Variants in RANBP3L observed in about 807,000 individuals in gnomAD.
RANBP3L encodes the protein RAN binding protein 3 like, also known as ran-binding protein 3-like.
In RANBP3L, 56 loss-of-function variants were observed where a neutral mutation model predicts 67.2. That is an observed-to-expected ratio of 0.83 (90% confidence interval 0.67 to 1.04). RANBP3L has a LOEUF of 1.04. Ranked by LOEUF, RANBP3L falls within the 50% of genes least tolerant of loss-of-function variation. RANBP3L has a pLI of 0.00. For synonymous variants in RANBP3L, 164 were observed against 181.4 expected (o/e 0.90, Z 0.77); for missense variants, 496 against 535.5 (o/e 0.93, Z 0.73).
chr5:36,287,403 A>T (rs1751401654), intron 1 of RANBP3L, among the ~76,000 whole-genome samples: 2 of 152,328 alleles, frequency 1.3e-5, no homozygotes, highest in South Asian at 4.1e-4. Flanking sequence ...AGAGTCGAGA[A>T]CAGTGCCTGA....
intron 1 of RANBP3L, among the ~76,000 whole-genome samples, chr5:36,287,873 G>C (rs1751438725): frequency 6.6e-6 from 1 of 152,154 alleles, no homozygotes; most frequent in Non-Finnish European, 1.5e-5. Context: ...TATTTCCTGA[G>C]CTGTGGGTAC....
At chr5:36,301,226 T>A in intron 1 of RANBP3L, 100 bp downstream of exon 1, 1 of 842,636 alleles carries the variant, frequency 1.2e-6, no homozygotes, top group Non-Finnish European at 2.0e-6. Flanking sequence ...CACTATTATG[T>A]CAGAGCTTCC....
In RANBP3L at chr5:36,249,665, C is replaced by A. The variant is rs1247556969; in HGVS notation, c.1387G>T (p.Ala463Ser). ...ATAGTAGGTAGTATTCATGAACAGGCAACCGACTGTCTGTGAGTCCAACTA... is the reference window on the plus strand; with the variant it reads ...ATAGTAGGTAGTATTCATGAACAGGAAACCGACTGTCTGTGAGTCCAACTA... ...PSSWTHRQSV[A>S]CS The change falls in exon 14 of 14, where the codon GCC becomes TCC. Residue 463 changes from alanine to serine, a missense_variant. By Grantham distance (99) the Ala-to-Ser change is moderately conservative (BLOSUM62 1). Transcript: ENST00000296604. 5.8e-6 allele frequency: 9 copies of A among 1,558,598 alleles called. No individual in the cohort carries two copies. Among genetic ancestry groups the A allele is most frequent in the African/African-American group, 1.4e-5 (1 of 73,666 alleles).
intron 12 of RANBP3L, among the ~76,000 whole-genome samples, chr5:36,252,884 G>T (rs1475354155): frequency 6.6e-6 from 1 of 151,830 alleles, no homozygotes; most frequent in Non-Finnish European, 1.5e-5. Context: ...TTCATCACAG[G>T]CACCTGCCAG....
chr5:36,272,404 C>T (rs1561120116), intron 1 of RANBP3L, among the ~76,000 whole-genome samples: 1 of 152,126 alleles, frequency 6.6e-6, no homozygotes, highest in South Asian at 2.1e-4. Context: ...AGGTAATTTG[C>T]CATCCCTGAG....
intron 1 of RANBP3L, among the ~76,000 whole-genome samples, chr5:36,276,167 A>C (rs904772440): frequency 2.0e-5 from 3 of 152,200 alleles, no homozygotes; most frequent in Non-Finnish European, 4.4e-5. Context: ...TTCAGAAAGC[A>C]ATCAAAACTT....
chr5:36,256,679 T>C (rs1256637506), intron 10 of RANBP3L: 6 of 409,740 alleles, frequency 1.5e-5, no homozygotes, highest in Non-Finnish European at 2.1e-5. Flanking sequence ...TAAAGCAGGA[T>C]ACTTGGCTGT....
rs3086448 is a variant in RANBP3L, at chr5:36,283,539, TACACAC to T, written c.92-12234_92-12229del. ...CTTGCCTATGCTCTGTATATAAAAATACACACACACACACACACACACACACACACA... is the reference window on the plus strand; with the variant it reads ...CTTGCCTATGCTCTGTATATAAAAATACACACACACACACACACACACACA... On this transcript the variant is annotated intron_variant, in intron 1 of 13. Coordinates refer to ENST00000296604, the MANE Select transcript of RANBP3L (RefSeq NM_145000.5). Among the ~76,000 whole-genome samples the T allele has an allele frequency of 3.1e-3, 453 of 144,792 alleles. 3 individuals are homozygous for T. Among genetic ancestry groups the T allele is most frequent in the African/African-American group, 7.3e-3 (285 of 39,270 alleles). 95.0% of individuals were successfully genotyped at this position (144,792 alleles called of 152,430 possible).
At chr5:36,277,440 ATGTGTGTGTGTGTGTGTGTGTG>A (rs149996886) in intron 1 of RANBP3L, among the ~76,000 whole-genome samples, 19 of 115,028 alleles carry the variant, frequency 1.7e-4, no homozygotes, top group African/African-American at 5.5e-4. Flanking sequence ...ATATATATAT[ATGTGTGTGTGTGTGTGTGTGTG>A]TGTGTGTGTG....
intron 1 of RANBP3L, among the ~76,000 whole-genome samples, chr5:36,285,898 T>TA (rs1751290115): frequency 6.6e-6 from 1 of 152,186 alleles, no homozygotes; most frequent in Non-Finnish European, 1.5e-5. Flanking sequence ...TTGCTAGTCT[T>TA]ACACAACCTG....
At position 36,274,141 on chromosome 5, in the gene RANBP3L, G is replaced by A. The variant is rs569484435; in HGVS notation, c.92-2830C>T. ...TTATGGTTTGGGGGCTGCCTGATTCGTAAATTGTTCTTTGCTCGATTAAAC... is the reference window on the plus strand; with the variant it reads ...TTATGGTTTGGGGGCTGCCTGATTCATAAATTGTTCTTTGCTCGATTAAAC... On this transcript the variant is annotated intron_variant, in intron 1 of 13. Transcript: ENST00000296604. Among the ~76,000 whole-genome samples the A allele has an allele frequency of 5.3e-5, 8 of 152,244 alleles. No homozygotes were observed. The South Asian group carries it at 1.2e-3, about 24-fold the overall frequency.
chr5:36,301,268 G>T, intron 1 of RANBP3L, 58 bp downstream of exon 1: 1 of 1,295,608 alleles, frequency 7.7e-7, no homozygotes, highest in Non-Finnish European at 1.1e-6. Flanking sequence ...CATTCTTCCT[G>T]GAATGCAAAT....
intron 4 of RANBP3L, chr5:36,268,252 T>A: frequency 6.5e-7 from 1 of 1,535,336 alleles, no homozygotes; most frequent in South Asian, 1.2e-5. Flanking sequence ...CATTTGCTTC[T>A]GAGACAAGGT....
intron 1 of RANBP3L, among the ~76,000 whole-genome samples, chr5:36,279,916 A>G (rs1750854622): frequency 6.6e-6 from 1 of 152,190 alleles, no homozygotes; most frequent in Non-Finnish European, 1.5e-5. Context: ...ATCAATACCA[A>G]GCTGATAAAG....
rs1377570564 is a variant in RANBP3L at position 36,248,331 on chromosome 5, T to A, written c.*1323A>T. 1 of 152,184 alleles carries A rather than the reference T, an allele frequency of 6.6e-6. No homozygotes were observed. The highest frequency in any genetic ancestry group is 1.5e-5 in the Non-Finnish European group (1 of 68,020). 9.4% of individuals were successfully genotyped at this position (152,184 alleles called of 1,614,324 possible). ...TTAGTAGTTATATTAAGTTATGCTT[T>A]CTCAGTTATAAGGAAGGACAAAATG... is the stretch of plus-strand genomic sequence containing the variant. On this transcript the variant is annotated 3_prime_UTR_variant, in exon 14 of 14. Coordinates refer to ENST00000296604, the MANE Select transcript of RANBP3L (RefSeq NM_145000.5).
In RANBP3L at chr5:36,247,645, G is replaced by A; in HGVS notation, c.*2009C>T. Among the ~76,000 whole-genome samples, 1 of 152,204 alleles carries A rather than the reference G, an allele frequency of 6.6e-6. No individual in the cohort carries two copies. The highest frequency in any genetic ancestry group is 1.9e-4 in the East Asian group (1 of 5,190). On this transcript the variant is annotated 3_prime_UTR_variant, in exon 14 of 14. Transcript: ENST00000296604. ...CGCCTGTAATCCCAACACTTTGGGA[G>A]GCTGAGGCAAAGTGTATCACTTGAG...
At chr5:36,294,605 T>C (rs151105664) in intron 1 of RANBP3L, among the ~76,000 whole-genome samples, 56 of 152,196 alleles carry the variant, frequency 3.7e-4, no homozygotes, top group Non-Finnish European at 1.2e-4. Flanking sequence ...TGTTGTGCCT[T>C]TGTTCTCGTT....
chr5:36,251,242 C>T, intron 13 of RANBP3L, 71 bp downstream of exon 13: 2 of 1,285,476 alleles, frequency 1.6e-6, no homozygotes, highest in Admixed American at 4.5e-5. Context: ...AAAAAATCTA[C>T]CTAATATATT....
At chr5:36,277,830 A>T (rs1238416354) in intron 1 of RANBP3L, among the ~76,000 whole-genome samples, 15 of 152,156 alleles carry the variant, frequency 9.9e-5, no homozygotes, top group South Asian at 6.2e-4. Flanking sequence ...AAAGAAAAAG[A>T]GGTTTAATGG....
Sources: allele counts gnomAD v4.1 joint callset (sites outside exome capture counted in the v4.1 genomes callset), GRCh38; gene constraint gnomAD v4.1.1; transcripts MANE v1.5; gene names NCBI Gene and HGNC (gene_info 2026-07-23, HGNC 2026-07-21).